LDB2: variants seen among roughly 807,000 people sequenced by gnomAD.
LDB2 encodes the protein LIM domain binding 2, also known as LIM domain-binding protein 2.
LDB2 carries 12 observed loss-of-function variants against 44.3 expected under a neutral mutation model. The ratio of observed to expected loss-of-function variants is 0.27; its 90% CI spans 0.17 to 0.44. The LOEUF is 0.44. LDB2 is among the 20% of genes least tolerant of loss of function. The probability of loss-of-function intolerance (pLI) is 1.00; values close to 1 mark genes in which losing one functional copy is unlikely to be tolerated. For missense variants in LDB2, 344 were observed against 473.5 expected (o/e 0.73, Z 2.54); for synonymous variants, 164 against 174.8 (o/e 0.94, Z 0.49).
intron 1 of LDB2, among the ~76,000 whole-genome samples, chr4:16,861,985 C>T (rs1444553483): frequency 2.0e-5 from 3 of 152,204 alleles, no homozygotes; most frequent in Non-Finnish European, 2.9e-5. Flanking sequence ...TACCCAACCC[C>T]CTCAGACCTC....
Position 16,608,156 on chromosome 4 carries a change from A to G in LDB2, c.236-12281T>C, listed in dbSNP as rs1724458661. Among the ~76,000 whole-genome samples, 6 of 137,428 alleles carry G rather than the reference A, an allele frequency of 4.4e-5. No homozygotes were observed. In the South Asian group the frequency reaches 1.5e-3, roughly 34 times the overall value. The allele number at this position is 137,428 out of a possible 152,430, so 90.2% of individuals were successfully genotyped here. ...TGGGGTTTCTACCTTACCATACTGT[A>G]TGTGTGTGATTCACAAACATCCGAC... On this transcript the variant is annotated intron_variant, in intron 2 of 7. Transcript: ENST00000304523.
chr4:16,842,346 C>T lies in LDB2; in HGVS notation c.132+56008G>A, dbSNP rs1422900662. Among the ~76,000 whole-genome samples, 6 of 151,506 alleles carry T rather than the reference C, an allele frequency of 4.0e-5. No homozygotes were observed. In the South Asian group the frequency reaches 6.3e-4, roughly 16 times the overall value. On this transcript the variant is annotated intron_variant, in intron 1 of 7. Transcript: ENST00000304523. ...GGACTGAGAATGTCAGAGAGAGAAA[C>T]GGAGAAAGAGCAAAAGGAAGTCAAC... is the stretch of plus-strand genomic sequence containing the variant.
intron 2 of LDB2, among the ~76,000 whole-genome samples, chr4:16,621,172 G>T (rs1402900118): frequency 6.6e-6 from 1 of 152,162 alleles, no homozygotes; most frequent in African/African-American, 2.4e-5. Context: ...CATAACGGGG[G>T]AGCATATCTC....
chr4:16,836,116 GA>G (rs1411466193), intron 1 of LDB2, among the ~76,000 whole-genome samples: 4 of 152,202 alleles, frequency 2.6e-5, no homozygotes, highest in Admixed American at 2.0e-4. Context: ...TCAATCAATA[GA>G]AAAGAACATT....
At chr4:16,664,739 T>C (rs140254867) in intron 2 of LDB2, among the ~76,000 whole-genome samples, 1 of 152,392 alleles carries the variant, frequency 6.6e-6, no homozygotes, top group East Asian at 1.9e-4. Context: ...CCTTCCATTC[T>C]TTCCCCACCT....
intron 1 of LDB2, among the ~76,000 whole-genome samples, chr4:16,771,327 T>A (rs1481699695): frequency 6.6e-6 from 1 of 152,220 alleles, no homozygotes; most frequent in East Asian, 1.9e-4. Flanking sequence ...AATGTTTTTC[T>A]TGATGATGGT....
At chr4:16,505,742 C>A (rs987953617) in intron 7 of LDB2, 2 of 1,287,140 alleles carry the variant, frequency 1.6e-6, no homozygotes, top group Non-Finnish European at 2.1e-6. Context: ...CAGCTCCCCA[C>A]AAGGCCAACT....
intron 2 of LDB2, among the ~76,000 whole-genome samples, chr4:16,750,444 C>T (rs1216389936): frequency 6.6e-6 from 1 of 152,246 alleles, no homozygotes; most frequent in African/African-American, 2.4e-5. Context: ...TTCAGGCAGA[C>T]TTTGACCTGC....
chr4:16,665,269 T>G (rs1225055953), intron 2 of LDB2, among the ~76,000 whole-genome samples: 1 of 98 alleles, frequency 0.01, no homozygotes, highest in Non-Finnish European at 0.021. Flanking sequence ...TTTTCATTTC[T>G]TTTTTTTTTT....
chr4:16,816,407 C>CTTTT (rs1171864969), intron 1 of LDB2, among the ~76,000 whole-genome samples: 64 of 120,980 alleles, frequency 5.3e-4, no homozygotes, highest in African/African-American at 6.8e-4. Flanking sequence ...CTTTTTCTTT[C>CTTTT]TTTTTTTTTT....
chr4:16,560,083 T>G (rs1318820517), intron 5 of LDB2, among the ~76,000 whole-genome samples: 1 of 152,138 alleles, frequency 6.6e-6, no homozygotes, highest in Non-Finnish European at 1.5e-5. Flanking sequence ...AGAGGGAAAT[T>G]TATAGCACTA....
intron 5 of LDB2, among the ~76,000 whole-genome samples, chr4:16,547,032 C>T (rs886756028): frequency 1.2e-4 from 18 of 152,190 alleles, no homozygotes; most frequent in Non-Finnish European, 1.6e-4. Context: ...TGAGTGAACA[C>T]TATTTGAAAA....
chr4:16,764,219 T>C (rs1768652626), intron 1 of LDB2, among the ~76,000 whole-genome samples: 1 of 152,116 alleles, frequency 6.6e-6, no homozygotes, highest in South Asian at 2.1e-4. Context: ...CTAGAGGAAA[T>C]TTCCCCCTCC....
chr4:16,832,792 T>A (rs571494355), intron 1 of LDB2, among the ~76,000 whole-genome samples: 18 of 152,328 alleles, frequency 1.2e-4, no homozygotes, highest in Non-Finnish European at 2.2e-4. Flanking sequence ...CCACCAGTAC[T>A]ACTGATACCT....
At chr4:16,730,535 C>T (rs901394614) in intron 2 of LDB2, among the ~76,000 whole-genome samples, 1 of 152,130 alleles carries the variant, frequency 6.6e-6, no homozygotes, top group African/African-American at 2.4e-5. Context: ...GTATATGCTA[C>T]AAACCAAGCA....
chr4:16,511,884 T>C, intron 6 of LDB2, 97 bp downstream of exon 6: 1 of 1,375,772 alleles, frequency 7.3e-7, no homozygotes, highest in Non-Finnish European at 9.9e-7. Context: ...CTTGTCCTGA[T>C]AAATTAATGA....
intron 2 of LDB2, among the ~76,000 whole-genome samples, chr4:16,702,060 GA>G (rs1753569207): frequency 6.6e-6 from 1 of 152,032 alleles, no homozygotes; most frequent in Non-Finnish European, 1.5e-5. Context: ...AAAAAAGAAA[GA>G]ATTTATAGCT....
At chr4:16,647,417 A>AT (rs1737097606) in intron 2 of LDB2, among the ~76,000 whole-genome samples, 1 of 152,196 alleles carries the variant, frequency 6.6e-6, no homozygotes. Flanking sequence ...AAATAGGTGA[A>AT]TTGTATAGCA....
In LDB2 at chr4:16,846,237, GT is replaced by G. The variant is rs1277269507; in HGVS notation, c.132+52116del. On this transcript the variant is annotated intron_variant, in intron 1 of 7. Transcript: ENST00000304523. ...TAAGACCTCCGCCCATTCTTAACAT[GT>G]TTTTACATTGTCTAATACACTTGGT... Among the ~76,000 whole-genome samples, 9 of 152,168 alleles carry G rather than the reference GT, an allele frequency of 5.9e-5. No homozygotes were observed. The East Asian group carries it at 1.2e-3, about 20-fold the overall frequency.
Sources: gnomAD v4.1 joint callset for allele counts (sites outside exome capture counted in the v4.1 genomes callset) on GRCh38, gnomAD v4.1.1 for gene constraint, MANE v1.5 for transcripts, NCBI Gene and HGNC (gene_info 2026-07-23, HGNC 2026-07-21) for gene names.